ECE1: variants seen among roughly 807,000 people sequenced by gnomAD.
ECE1 encodes endothelin converting enzyme 1, also known as endothelin-converting enzyme 1.
A neutral mutation model predicts 98.6 loss-of-function variants in ECE1; 35 were observed. That is an observed-to-expected ratio of 0.35 (90% CI 0.27 to 0.47). The LOEUF is 0.47. Ranked by LOEUF, ECE1 falls within the 20% of genes least tolerant of loss-of-function variation. The pLI, the probability that ECE1 is intolerant of heterozygous loss-of-function variation, is 1.00. For missense variants in ECE1, 814 were observed against 1,025.3 expected (o/e 0.79, Z 2.81); for synonymous variants, 394 against 407.1 (o/e 0.97, Z 0.39).
Position 21,233,791 on chromosome 1 carries a change from G to A in ECE1, c.1567-130C>T. ...TGGAGACCGGAATGCAGGGCTTGGGGCTGCAGGGTCAGCTCTTCTCTTGGC... is the reference window on the plus strand; with the variant it reads ...TGGAGACCGGAATGCAGGGCTTGGGACTGCAGGGTCAGCTCTTCTCTTGGC... On this transcript the variant is annotated intron_variant, in intron 13 of 18. Coordinates refer to ENST00000374893, the MANE Select transcript of ECE1 (RefSeq NM_001397.3). This position sits in a 1 kb window ranked among gnomAD's most constrained non-coding sequence, Gnocchi z 4.0. The A allele has an allele frequency of 1.2e-6, 1 of 822,880 alleles. No individual in the cohort carries two copies. Among genetic ancestry groups the A allele is most frequent in the Non-Finnish European group, 2.0e-6 (1 of 500,834 alleles). 51.0% of individuals were successfully genotyped at this position (822,880 alleles called of 1,614,324 possible). A position where few individuals can be genotyped will look rare whatever the true frequency, so the allele number is the denominator to read the frequency against.
chr1:21,338,041 C>T (rs1452908938), intron 1 of ECE1, among the ~76,000 whole-genome samples: 1 of 152,168 alleles, frequency 6.6e-6, no homozygotes, highest in African/African-American at 2.4e-5. Flanking sequence ...GAAATGAGTC[C>T]TTCCTTCCCC....
intron 2 of ECE1, among the ~76,000 whole-genome samples, chr1:21,287,483 G>A (rs1323196456): frequency 2.6e-5 from 4 of 152,190 alleles, no homozygotes; most frequent in East Asian, 3.8e-4. Context: ...CTGAGATCGC[G>A]CCACTGCACT....
intron 1 of ECE1, among the ~76,000 whole-genome samples, chr1:21,320,783 G>A (rs556449146): frequency 2.4e-4 from 36 of 152,308 alleles, no homozygotes; most frequent in African/African-American, 7.7e-4. Flanking sequence ...TTCATTCTGC[G>A]GAGGGTTCCT....
In ECE1 at chr1:21,260,888, C is replaced by T. The variant is rs556619089; in HGVS notation, c.494-496G>A. On this transcript the variant is annotated intron_variant, in intron 4 of 18. Coordinates refer to ENST00000374893, the MANE Select transcript of ECE1 (RefSeq NM_001397.3). This position sits in a 1 kb window ranked among gnomAD's most constrained non-coding sequence, Gnocchi z 4.3. ...GCTTCCTCCTTGGAGGGGCTAGGCA[C>T]GTTCACCAGGCTTACAGCCAACTCC... Among the ~76,000 whole-genome samples, 1 of 152,342 alleles carries T rather than the reference C, an allele frequency of 6.6e-6. No homozygotes were observed. Among genetic ancestry groups the T allele is most frequent in the Admixed American group, 6.5e-5 (1 of 15,310 alleles).
At chr1:21,310,681 G>C (rs552027725) in intron 1 of ECE1, among the ~76,000 whole-genome samples, 1 of 152,234 alleles carries the variant, frequency 6.6e-6, no homozygotes, top group East Asian at 1.9e-4. Flanking sequence ...GGATGATTTG[G>C]GTACTTGGGT....
At chr1:21,224,691 C>G (rs1433629732) in intron 17 of ECE1, among the ~76,000 whole-genome samples, 1 of 152,198 alleles carries the variant, frequency 6.6e-6, no homozygotes, top group Non-Finnish European at 1.5e-5. Context: ...TACTAACTCT[C>G]CCATCTGACT....
intron 10 of ECE1, among the ~76,000 whole-genome samples, chr1:21,241,193 C>A (rs561167347): frequency 2.0e-5 from 3 of 152,088 alleles, no homozygotes; most frequent in East Asian, 3.9e-4. Flanking sequence ...CCCACCACTA[C>A]CCCCGGTAAT....
chr1:21,313,344 T>G (rs565109173), intron 1 of ECE1, among the ~76,000 whole-genome samples: 2 of 152,172 alleles, frequency 1.3e-5, no homozygotes, highest in East Asian at 3.9e-4. Flanking sequence ...TCAAGACACA[T>G]GTGTCATGCT....
chr1:21,248,711 G>T (rs1042385360), intron 8 of ECE1, among the ~76,000 whole-genome samples: 2 of 150,962 alleles, frequency 1.3e-5, no homozygotes, highest in Non-Finnish European at 3.0e-5. Flanking sequence ...TGCAACCTCC[G>T]CCTCCCAGGT....
rs1417097355 is a variant in ECE1 at position 21,290,011 on chromosome 1, C to T, written c.138+59G>A. 1.2e-5 allele frequency: 14 copies of T among 1,124,056 alleles called. No individual in the cohort carries two copies. Among genetic ancestry groups the T allele is most frequent in the Non-Finnish European group, 1.2e-5 (11 of 908,706 alleles). 69.6% of individuals were successfully genotyped at this position (1,124,056 alleles called of 1,614,324 possible). A position where few individuals can be genotyped will look rare whatever the true frequency, so the allele number is the denominator to read the frequency against. On this transcript the variant is annotated intron_variant, in intron 2 of 18. Transcript: ENST00000374893. This position sits in a 1 kb window ranked among gnomAD's most constrained non-coding sequence, Gnocchi z 7.3. ...GTAGGGGCGGGGGGCGCGGCAGCGG[C>T]AGCGCGCATGCCCGGGCCCGGGGCG...
chr1:21,237,498 C>T (rs1416968397), intron 11 of ECE1, among the ~76,000 whole-genome samples: 1 of 152,158 alleles, frequency 6.6e-6, no homozygotes. Flanking sequence ...GGCTCACCTC[C>T]GGCTGCAGAT....
chr1:21,337,583 A>C (rs1639326474), intron 1 of ECE1, among the ~76,000 whole-genome samples: 1 of 152,206 alleles, frequency 6.6e-6, no homozygotes, highest in Non-Finnish European at 1.5e-5. Flanking sequence ...TGCCCTCATG[A>C]GGTCCAGTCT....
intron 9 of ECE1, among the ~76,000 whole-genome samples, 190 bp downstream of exon 9, chr1:21,247,031 C>CA (rs2098204628): frequency 1.3e-5 from 2 of 152,198 alleles, no homozygotes; most frequent in Non-Finnish European, 2.9e-5. Flanking sequence ...CCCAAGGCTA[C>CA]AAAGCTGGTA....
At chr1:21,271,936 CA>C (rs2098240704) in intron 4 of ECE1, among the ~76,000 whole-genome samples, 1 of 151,848 alleles carries the variant, frequency 6.6e-6, no homozygotes, top group Non-Finnish European at 1.5e-5. Context: ...CATTGGATCA[CA>C]ACCTTAGAAT....
intron 1 of ECE1, among the ~76,000 whole-genome samples, chr1:21,302,378 G>A (rs1638504931): frequency 6.6e-6 from 1 of 152,214 alleles, no homozygotes; most frequent in South Asian, 2.1e-4. Context: ...GACCCGGGGA[G>A]TCTACCTGTC....
intron 1 of ECE1, among the ~76,000 whole-genome samples, chr1:21,331,352 C>T (rs757197556): frequency 3.9e-5 from 6 of 152,008 alleles, no homozygotes; most frequent in South Asian, 2.1e-4. Context: ...TGCAATGAGC[C>T]GAGATCATGC....
intron 8 of ECE1, among the ~76,000 whole-genome samples, chr1:21,254,068 CAAAAAAAAAAAAA>C (rs57691016): frequency 1.0e-5 from 1 of 99,126 alleles, no homozygotes; most frequent in East Asian, 2.9e-4. Context: ...GACTTTGTCT[CAAAAAAAAAAAAA>C]AAAAAAAAAA....
At chr1:21,289,965 G>A in intron 2 of ECE1, 105 bp downstream of exon 2, 1 of 1,235,288 alleles carries the variant, frequency 8.1e-7, no homozygotes. Context: ...GGAGGGGAAG[G>A]GAGGGGAAGA....
At chr1:21,236,563 C>T (rs539444143) in intron 12 of ECE1, among the ~76,000 whole-genome samples, 183 bp downstream of exon 12, 99 of 152,204 alleles carry the variant, frequency 6.5e-4, no homozygotes, top group Non-Finnish European at 7.9e-4. Context: ...GTGGGAGAAT[C>T]GCTTGAACCC....
Sources: allele counts gnomAD v4.1 joint callset (sites outside exome capture counted in the v4.1 genomes callset), GRCh38; gene constraint gnomAD v4.1.1; non-coding constraint Gnocchi (gnomAD v3.1); transcripts MANE v1.5; gene names NCBI Gene and HGNC (gene_info 2026-07-23, HGNC 2026-07-21).